Variants in PAPPA2 observed in about 807,000 individuals in gnomAD.
PAPPA2 encodes the protein pappalysin-2.
Under a neutral mutation model 176.4 loss-of-function variants are expected in PAPPA2, and 86 were observed. That is an observed-to-expected ratio of 0.49 (90% confidence interval 0.41 to 0.58). PAPPA2 has a LOEUF of 0.58. Ranked by LOEUF, PAPPA2 falls within the 20% of genes least tolerant of loss-of-function variation. PAPPA2 has a pLI of 0.00. For synonymous variants in PAPPA2, 809 were observed against 852.2 expected (o/e 0.95, Z 0.88); for missense variants, 2,073 against 2,256.9 (o/e 0.92, Z 1.65).
At chr1:176,734,018 GT>G (rs1184758968) in intron 12 of PAPPA2, among the ~76,000 whole-genome samples, 4 of 152,144 alleles carry the variant, frequency 2.6e-5, no homozygotes, top group East Asian at 3.9e-4. Context: ...GTATAGAGAG[GT>G]TTTTTCCCCC....
chr1:176,569,676 G>C (rs1573055809), intron 2 of PAPPA2, among the ~76,000 whole-genome samples: 1 of 152,230 alleles, frequency 6.6e-6, no homozygotes, highest in Non-Finnish European at 1.5e-5. Context: ...GCTGTAAGCT[G>C]TCTGGGGTCA....
At chr1:176,571,181 C>G (rs1652307349) in intron 2 of PAPPA2, among the ~76,000 whole-genome samples, 1 of 152,156 alleles carries the variant, frequency 6.6e-6, no homozygotes, top group Admixed American at 6.5e-5. Context: ...AACCATGTTC[C>G]TTTCTCTTCT....
chr1:176,517,218 G>A (rs1051154469), intron 1 of PAPPA2, among the ~76,000 whole-genome samples: 1 of 152,092 alleles, frequency 6.6e-6, no homozygotes, highest in Non-Finnish European at 1.5e-5. Flanking sequence ...GCTTTGACTG[G>A]TGGGATTAAT....
intron 12 of PAPPA2, among the ~76,000 whole-genome samples, chr1:176,719,188 A>G (rs1004286594): frequency 3.3e-5 from 5 of 151,952 alleles, no homozygotes; most frequent in Non-Finnish European, 7.4e-5. Flanking sequence ...AAAAATTACA[A>G]TTGCTTCGTG....
At chr1:176,624,898 G>A (rs1655919478) in intron 3 of PAPPA2, among the ~76,000 whole-genome samples, 1 of 152,152 alleles carries the variant, frequency 6.6e-6, no homozygotes, top group Non-Finnish European at 1.5e-5. Context: ...TCCCCAGGAG[G>A]GCAGGCAGGA....
At chr1:176,475,782 G>T (rs773737715) in intron 1 of PAPPA2, among the ~76,000 whole-genome samples, 6 of 152,134 alleles carry the variant, frequency 3.9e-5, no homozygotes, top group Non-Finnish European at 7.4e-5. Context: ...AGAGGGAAGT[G>T]GTTTAGGGAG....
intron 1 of PAPPA2, among the ~76,000 whole-genome samples, chr1:176,469,926 G>T (rs969021820): frequency 1.1e-4 from 16 of 152,108 alleles, no homozygotes; most frequent in Admixed American, 9.2e-4. Context: ...GCTGGCCATT[G>T]GTTCCCATTC....
chr1:176,712,085 G>T, intron 12 of PAPPA2, 104 bp downstream of exon 12: 2 of 1,386,014 alleles, frequency 1.4e-6, no homozygotes, highest in Admixed American at 4.5e-5. Context: ...TGACTTGTCA[G>T]AAAATTTTCT....
intron 1 of PAPPA2, among the ~76,000 whole-genome samples, chr1:176,545,054 A>G (rs961048244): frequency 4.6e-5 from 7 of 152,164 alleles, no homozygotes; most frequent in African/African-American, 1.7e-4. Context: ...TCTAGCCGTG[A>G]TTGATTAAAT....
chr1:176,645,284 C>T (rs1329820107), intron 3 of PAPPA2, among the ~76,000 whole-genome samples: 1 of 151,712 alleles, frequency 6.6e-6, no homozygotes, highest in African/African-American at 2.4e-5. Context: ...CACAATTCTA[C>T]CCTCTATCTT....
intron 21 of PAPPA2, among the ~76,000 whole-genome samples, chr1:176,838,473 T>C (rs1667359064): frequency 6.6e-6 from 1 of 152,328 alleles, no homozygotes; most frequent in East Asian, 1.9e-4. Context: ...GATGTAGTGC[T>C]AGATGAATAA....
intron 17 of PAPPA2, 109 bp downstream of exon 17, chr1:176,771,289 A>G (rs1571303898): frequency 9.1e-7 from 1 of 1,096,516 alleles, no homozygotes. Context: ...TCCAGTCATG[A>G]CAGGCAGGCA....
intron 3 of PAPPA2, among the ~76,000 whole-genome samples, chr1:176,659,983 T>C (rs1434945722): frequency 6.6e-6 from 1 of 152,116 alleles, no homozygotes. Flanking sequence ...ATTTCAAATA[T>C]TTAAACAATT....
intron 2 of PAPPA2, among the ~76,000 whole-genome samples, chr1:176,591,988 T>C (rs935933326): frequency 5.9e-5 from 9 of 152,226 alleles, no homozygotes; most frequent in Non-Finnish European, 1.2e-4. Context: ...AGTGAGGAAT[T>C]TGATTTCTTT....
At chr1:176,507,763 T>G (rs1278303694) in intron 1 of PAPPA2, among the ~76,000 whole-genome samples, 2 of 151,410 alleles carry the variant, frequency 1.3e-5, no homozygotes, top group Non-Finnish European at 1.5e-5. Flanking sequence ...AGGGATACAG[T>G]AGACATTGTG....
chr1:176,569,439 C>T (rs1652187385), intron 2 of PAPPA2, among the ~76,000 whole-genome samples: 1 of 152,230 alleles, frequency 6.6e-6, no homozygotes, highest in Non-Finnish European at 1.5e-5. Flanking sequence ...TCCTTGGCCT[C>T]TCTAAAGACT....
chr1:176,638,239 G>A (rs1465729518), intron 3 of PAPPA2, among the ~76,000 whole-genome samples: 1 of 151,818 alleles, frequency 6.6e-6, no homozygotes, highest in African/African-American at 2.4e-5. Context: ...TTGAAAATAT[G>A]CACGCCATAC....
At chr1:176,710,413 A>G (rs747783856) in intron 11 of PAPPA2, among the ~76,000 whole-genome samples, 20 of 152,298 alleles carry the variant, frequency 1.3e-4, no homozygotes, top group Non-Finnish European at 2.4e-4. Context: ...TAGTAACACC[A>G]TTTGCACTGT....
intron 1 of PAPPA2, among the ~76,000 whole-genome samples, chr1:176,493,610 A>G (rs1352812671): frequency 6.6e-6 from 1 of 152,208 alleles, no homozygotes; most frequent in Admixed American, 6.5e-5. Flanking sequence ...GCAGGAAGAT[A>G]CCACAAAGAG....
Sources: allele counts gnomAD v4.1 joint callset (sites outside exome capture counted in the v4.1 genomes callset), GRCh38; gene constraint gnomAD v4.1.1; transcripts MANE v1.5; gene names NCBI Gene and HGNC (gene_info 2026-07-23, HGNC 2026-07-21).